Variants in ASNSD1 observed in about 807,000 individuals in gnomAD.
ASNSD1 encodes the protein asparagine synthetase domain containing 1.
A neutral mutation model predicts 48.3 loss-of-function variants in ASNSD1; 36 were observed. The ratio of observed to expected loss-of-function variants is 0.75; its 90% CI spans 0.57 to 0.99. ASNSD1 has a LOEUF of 0.99. Ranked by LOEUF, ASNSD1 falls within the 50% of genes least tolerant of loss-of-function variation. The pLI is 0.00. For missense variants in ASNSD1, 714 were observed against 758.2 expected (o/e 0.94, Z 0.69); for synonymous variants, 257 against 262.1 (o/e 0.98, Z 0.19).
chr2:189,661,704 C>G, intron 1 of ASNSD1, 94 bp downstream of exon 1: 1 of 398,860 alleles, frequency 2.5e-6, no homozygotes, highest in Non-Finnish European at 4.4e-6. Flanking sequence ...TGGGGCCTGC[C>G]TGGGCCTCGG....
Position 189,661,486 on chromosome 2 carries a change from G to T in ASNSD1, c.-347G>T. 2.5e-6 allele frequency: 1 copy of T among 399,248 alleles called. No individual in the cohort carries two copies. Among genetic ancestry groups the T allele is most frequent in the Non-Finnish European group, 4.4e-6 (1 of 226,210 alleles). 24.7% of individuals were successfully genotyped at this position (399,248 alleles called of 1,614,324 possible). On this transcript the variant is annotated 5_prime_UTR_variant, in exon 1 of 6. Coordinates refer to ENST00000260952, the MANE Select transcript of ASNSD1 (RefSeq NM_019048.4). ...GGCTAATGCCGTAGGCTCCTTCAGG[G>T]CTGAGCCATCCCGCGTGTCTTGCGC...
chr2:189,670,599 G>C lies in ASNSD1; in HGVS notation c.1805G>C (p.Arg602Pro). Reference sequence around the variant, plus strand: ...ACAGCCTCTGCTCTTCTGCCCAAACGGGCCATGCAGTTTGGATCAAGAATT... The same window carrying C: ...ACAGCCTCTGCTCTTCTGCCCAAACCGGCCATGCAGTTTGGATCAAGAATT... The part of the protein sequence containing the change: ...GLTASALLPK[R>P]AMQFGSRIAK... The change falls in exon 6 of 6, where the codon CGG becomes CCG. Residue 602 changes from arginine to proline, a missense_variant. By Grantham distance (103) the Arg-to-Pro change is moderately radical. Coordinates refer to ENST00000260952, the MANE Select transcript of ASNSD1 (RefSeq NM_019048.4). 2 of 1,613,964 alleles carry C rather than the reference G, an allele frequency of 1.2e-6. No homozygotes were observed. The highest frequency in any genetic ancestry group is 1.7e-6 in the Non-Finnish European group (2 of 1,179,962).
Position 189,667,254 on chromosome 2 carries a change from G to GA in ASNSD1, c.1127dup (p.Asn376LysfsTer2). On this transcript the variant is annotated frameshift_variant, in exon 4 of 6. Transcript: ENST00000260952. LOFTEE classifies it high-confidence loss of function. ...CCTTTAACAGAGAAGGGAATAAACA[G>GA]AAAAATAAATGTGAAATACCTTCAG... 1.2e-6 allele frequency: 2 copies of GA among 1,614,008 alleles called. No homozygotes were observed. Among genetic ancestry groups the GA allele is most frequent in the Non-Finnish European group, 1.7e-6 (2 of 1,179,992 alleles).
At position 189,666,412 on chromosome 2, in the gene ASNSD1, ATTTTG is replaced by A. The variant is rs1301436126; in HGVS notation, c.284_288del (p.Leu95Ter). On this transcript the variant is annotated frameshift_variant, in exon 4 of 6. Coordinates refer to ENST00000260952, the MANE Select transcript of ASNSD1 (RefSeq NM_019048.4). LOFTEE classifies it high-confidence loss of function. Reference sequence around the variant, plus strand: ...TGAAGCTGAAGAGAATGACACTCAAATTTTGTTTAATTATCTTTCCTCCTGTAAGA... The same window carrying A: ...TGAAGCTGAAGAGAATGACACTCAAATTTAATTATCTTTCCTCCTGTAAGA... 1 of 1,614,020 alleles carries A rather than the reference ATTTTG, an allele frequency of 6.2e-7. No individual in the cohort carries two copies. Among genetic ancestry groups the A allele is most frequent in the South Asian group, 1.1e-5 (1 of 91,078 alleles).
rs534017448 is a variant in ASNSD1, at chr2:189,668,091, G to A, written c.1646+146G>A. ...AGCTTGGCTTTGTATTATAAACAAA[G>A]TCAGAAACAGAGCTGGGAAGAGCCA... On this transcript the variant is annotated intron_variant, in intron 5 of 5. Coordinates refer to ENST00000260952, the MANE Select transcript of ASNSD1 (RefSeq NM_019048.4). 44 of 710,266 alleles carry A rather than the reference G, an allele frequency of 6.2e-5. 1 individual carries two copies. In the East Asian group the frequency reaches 1.2e-3, roughly 20 times the overall value. 44.0% of individuals were successfully genotyped at this position (710,266 alleles called of 1,614,324 possible). A position where few individuals can be genotyped will look rare whatever the true frequency, so the allele number is the denominator to read the frequency against.
At position 189,666,366 on chromosome 2, in the gene ASNSD1, A is replaced by C. The variant is rs778836315; in HGVS notation, c.234A>C (p.Glu78Asp). The C allele has an allele frequency of 6.2e-7, 1 of 1,613,802 alleles. No homozygotes were observed. Among genetic ancestry groups the C allele is most frequent in the East Asian group, 2.2e-5 (1 of 44,870 alleles). ...ERGNVFLWNG[E>D]IFSGIKVEAE... ...GCAATGTGTTTCTATGGAATGGAGAAATTTTTAGTGGAATAAAGGTTGAAG... is the reference window on the plus strand; with the variant it reads ...GCAATGTGTTTCTATGGAATGGAGACATTTTTAGTGGAATAAAGGTTGAAG... Residue 78 changes from glutamate (E) to aspartate (D), a missense_variant, in exon 4 of 6, where the codon GAA becomes GAC. Physicochemically the swap from Glu to Asp is conservative, Grantham distance 45 (BLOSUM62 2). Transcript: ENST00000260952.
chr2:189,665,545 G>T, intron 3 of ASNSD1, 94 bp downstream of exon 3: 1 of 321,992 alleles, frequency 3.1e-6, no homozygotes, highest in South Asian at 1.5e-4. Context: ...GCAGCAGTTT[G>T]ATTTTCTTCA....
In ASNSD1 at chr2:189,665,615, T is replaced by TAC. The variant is rs1174628073; in HGVS notation, c.-93+165_-93+166insCA. On this transcript the variant is annotated intron_variant, in intron 3 of 5. Coordinates refer to ENST00000260952, the MANE Select transcript of ASNSD1 (RefSeq NM_019048.4). ...ATATATGTGTATATATATATATATA[T>TAC]ATATATATATATATATATATATATA... Among the ~76,000 whole-genome samples the TAC allele has an allele frequency of 4.5e-3, 477 of 106,226 alleles. 12 individuals carry two copies. The highest frequency in any genetic ancestry group is 0.017 in the African/African-American group (451 of 26,394). The allele number at this position is 106,226 out of a possible 152,430, so 69.7% of individuals were successfully genotyped here. A position where few individuals can be genotyped will look rare whatever the true frequency, so the allele number is the denominator to read the frequency against.
intron 5 of ASNSD1, 72 bp from the exon 6 acceptor site, chr2:189,670,369 A>G (rs1301974824): frequency 6.8e-6 from 9 of 1,331,538 alleles, no homozygotes; most frequent in Non-Finnish European, 9.3e-6. Context: ...AATTTTAGCT[A>G]TAAAACTGTG....
Position 189,666,946 on chromosome 2 carries a change from GTCTT to G in ASNSD1, c.819_822del (p.Phe273LeufsTer6). ...GCCACCTACAAGAGAGATACTTCAAGTCTTTCTTACTGATGTACACATGAAGGAA... is the reference window on the plus strand; with the variant it reads ...GCCACCTACAAGAGAGATACTTCAAGTCTTACTGATGTACACATGAAGGAA... On this transcript the variant is annotated frameshift_variant, in exon 4 of 6. Coordinates refer to ENST00000260952, the MANE Select transcript of ASNSD1 (RefSeq NM_019048.4). LOFTEE classifies it high-confidence loss of function. 6.2e-7 allele frequency: 1 copy of G among 1,614,090 alleles called. No individual in the cohort carries two copies. The highest frequency in any genetic ancestry group is 8.5e-7 in the Non-Finnish European group (1 of 1,179,982).
In ASNSD1 at chr2:189,666,089, A is replaced by G. The variant is rs764174385; in HGVS notation, c.-44A>G. ...GAATACCAAGAAATAGAAAACTTAG[A>G]CAAGACCAAAATCAAGAAATAGTCA... On this transcript the variant is annotated 5_prime_UTR_variant, in exon 4 of 6. Coordinates refer to ENST00000260952, the MANE Select transcript of ASNSD1 (RefSeq NM_019048.4). 6.7e-6 allele frequency: 10 copies of G among 1,491,716 alleles called. No individual in the cohort carries two copies. The highest frequency in any genetic ancestry group is 8.0e-6 in the Non-Finnish European group (9 of 1,123,786). The allele number at this position is 1,491,716 out of a possible 1,614,324, so 92.4% of individuals were successfully genotyped here.
intron 2 of ASNSD1, among the ~76,000 whole-genome samples, chr2:189,664,491 A>G (rs1253178440): frequency 6.6e-6 from 1 of 152,254 alleles, no homozygotes; most frequent in Non-Finnish European, 1.5e-5. Context: ...TTTAACATTC[A>G]GGAAGAAATG....
intron 5 of ASNSD1, among the ~76,000 whole-genome samples, chr2:189,670,130 G>A (rs1455539673): frequency 7.0e-6 from 1 of 141,948 alleles, no homozygotes; most frequent in South Asian, 2.2e-4. Flanking sequence ...GCAATGTGGC[G>A]AAATCTCATC....
Position 189,667,149 on chromosome 2 carries a change from T to C in ASNSD1, c.1017T>C (p.Ala339=). Residue 339 remains alanine (A), a synonymous_variant, in exon 4 of 6, where the codon GCT becomes GCC. Coordinates refer to ENST00000260952, the MANE Select transcript of ASNSD1 (RefSeq NM_019048.4). ...GIDSMVIATL[A]DRHIPLDEPI... Reference sequence around the variant, plus strand: ...ATTCCATGGTTATTGCAACCCTTGCTGACCGTCATATTCCTTTAGATGAAC... The same window carrying C: ...ATTCCATGGTTATTGCAACCCTTGCCGACCGTCATATTCCTTTAGATGAAC... 6.2e-7 allele frequency: 1 copy of C among 1,614,260 alleles called. No homozygotes were observed. Among genetic ancestry groups the C allele is most frequent in the Non-Finnish European group, 8.5e-7 (1 of 1,180,042 alleles).
chr2:189,664,035 A>G (rs1375937587), intron 2 of ASNSD1, 81 bp downstream of exon 2: 1 of 358,024 alleles, frequency 2.8e-6, no homozygotes, highest in African/African-American at 2.1e-5. Flanking sequence ...AGAAGTATAT[A>G]TAAGATTTAA....
intron 5 of ASNSD1, among the ~76,000 whole-genome samples, chr2:189,670,064 T>G (rs915722482): frequency 6.6e-6 from 1 of 152,024 alleles, no homozygotes; most frequent in African/African-American, 2.4e-5. Flanking sequence ...TTCCCAGCAC[T>G]TTGGGAGGCC....
In ASNSD1 at chr2:189,666,646, G is replaced by A; in HGVS notation, c.514G>A (p.Glu172Lys). The stretch of plus-strand genomic sequence containing the variant: ...ATCTGGATTGGCAAATCAGTGGCAA[G>A]AAGTTCCAGCATCTGGACTTTTCAG... ...QTSGLANQWQ[E>K]VPASGLFRID... The change falls in exon 4 of 6, where the codon GAA becomes AAA. Residue 172 changes from glutamate to lysine, a missense_variant. Physicochemically the swap from Glu to Lys is moderately conservative, Grantham distance 56. Coordinates refer to ENST00000260952, the MANE Select transcript of ASNSD1 (RefSeq NM_019048.4). 6.2e-7 allele frequency: 1 copy of A among 1,614,152 alleles called. No homozygotes were observed. Among genetic ancestry groups the A allele is most frequent in the Non-Finnish European group, 8.5e-7 (1 of 1,180,028 alleles).
Position 189,667,092 on chromosome 2 carries a change from A to G in ASNSD1, c.960A>G (p.Ala320=). The G allele has an allele frequency of 6.2e-7, 1 of 1,614,188 alleles. No individual in the cohort carries two copies. Among genetic ancestry groups the G allele is most frequent in the South Asian group, 1.1e-5 (1 of 91,078 alleles). Residue 320 remains alanine, a synonymous_variant, in exon 4 of 6, where the codon GCA becomes GCG. Coordinates refer to ENST00000260952, the MANE Select transcript of ASNSD1 (RefSeq NM_019048.4). ...TTTTGAAAACGTGTGATAGGAAAGC[A>G]AATGTTGCAATCCTGTTTTCTGGGG... is the stretch of plus-strand genomic sequence containing the variant. ...NEVLKTCDRK[A]NVAILFSGGI... is the part of the protein sequence containing the mutation.
chr2:189,661,876 T>G (rs150406123), intron 1 of ASNSD1, among the ~76,000 whole-genome samples: 80 of 152,294 alleles, frequency 5.3e-4, no homozygotes, highest in Non-Finnish European at 1.1e-3. Flanking sequence ...TTTTCCTCCC[T>G]AGTCTTTTTA....
Sources: allele counts gnomAD v4.1 joint callset (sites outside exome capture counted in the v4.1 genomes callset), GRCh38; gene constraint gnomAD v4.1.1; transcripts MANE v1.5; gene names NCBI Gene and HGNC (gene_info 2026-07-23, HGNC 2026-07-21).